GDA: variants seen among roughly 807,000 people sequenced by gnomAD.
The protein encoded by GDA is cytoplasmic PSD-95 interactor.
In GDA, 18 loss-of-function variants were observed where a neutral mutation model predicts 59.6. The observed-to-expected ratio is 0.30, with a 90% CI of 0.21 to 0.45. GDA has a LOEUF of 0.45. GDA is among the 20% of genes least tolerant of loss of function. The pLI is 1.00. For missense variants in GDA, 427 were observed against 552.3 expected, an observed-to-expected ratio of 0.77 and a Z score of 2.27; for synonymous variants, 201 against 201.1, an observed-to-expected ratio of 1.00 and a Z score of 0.00.
intron 11 of GDA, among the ~76,000 whole-genome samples, chr9:72,242,624 A>G (rs1839743544): frequency 6.6e-6 from 1 of 152,214 alleles, no homozygotes; most frequent in South Asian, 2.1e-4. Context: ...GGGGACTATG[A>G]TGAACACCAT....
intron 2 of GDA, 71 bp from the exon 3 acceptor site, chr9:72,202,500 A>C (rs1286179361): frequency 1.9e-6 from 2 of 1,055,818 alleles, no homozygotes; most frequent in African/African-American, 3.2e-5. Context: ...CTTGGGAAAA[A>C]ATGTGATTTA....
At chr9:72,145,081 C>A (rs1316175104), upstream of GDA, among the ~76,000 whole-genome samples, 1 of 152,110 alleles carries the variant, frequency 6.6e-6, no homozygotes, top group African/African-American at 2.4e-5. Flanking sequence ...AACTGCTTCC[C>A]TGCACTCTCT....
intron 1 of GDA, among the ~76,000 whole-genome samples, chr9:72,158,204 GT>G (rs1828161142): frequency 6.6e-6 from 1 of 152,036 alleles, no homozygotes; most frequent in Admixed American, 6.6e-5. Flanking sequence ...TAAGAACATG[GT>G]TTCTAGAGTC....
downstream of GDA, among the ~76,000 whole-genome samples, chr9:72,254,314 C>T (rs917691217): frequency 6.6e-6 from 1 of 152,024 alleles, no homozygotes; most frequent in Non-Finnish European, 1.5e-5. Context: ...ATAGTTGAAT[C>T]TAAATTTTGG....
At chr9:72,148,389 CAAAAT>C (rs947899853), upstream of GDA, among the ~76,000 whole-genome samples, 1 of 150,378 alleles carries the variant, frequency 6.6e-6, no homozygotes, top group Non-Finnish European at 1.5e-5. Context: ...CTAAAAAACA[CAAAAT>C]AAAGAAGAAT....
chr9:72,240,873 A>G (rs1260096389), intron 10 of GDA, among the ~76,000 whole-genome samples: 1 of 152,212 alleles, frequency 6.6e-6, no homozygotes, highest in Non-Finnish European at 1.5e-5. Flanking sequence ...TCTGACCTCC[A>G]CATTGTGAGA....
chr9:72,255,940 T>G (rs749370655), downstream of GDA, among the ~76,000 whole-genome samples: 18 of 151,586 alleles, frequency 1.2e-4, no homozygotes, highest in African/African-American at 1.2e-4. Context: ...CCCTAGAAAA[T>G]TATTGCCCAG....
At chr9:72,231,653 G>T (rs765949810) in intron 10 of GDA, among the ~76,000 whole-genome samples, 5 of 152,142 alleles carry the variant, frequency 3.3e-5, no homozygotes, top group East Asian at 3.9e-4. Flanking sequence ...ATTATTCAAA[G>T]ATTAGGCTAT....
In GDA at chr9:72,195,482, T is replaced by TCTTC. The variant is rs1267155816; in HGVS notation, c.124-15_124-14insCCTT. 8.7e-7 allele frequency: 1 copy of TCTTC among 1,153,232 alleles called. No homozygotes were observed. Among genetic ancestry groups the TCTTC allele is most frequent in the Admixed American group, 2.0e-5 (1 of 49,602 alleles). The allele number at this position is 1,153,232 out of a possible 1,614,324, so 71.4% of individuals were successfully genotyped here. On this transcript the variant is annotated splice_polypyrimidine_tract_variant and intron_variant, in intron 1 of 13. Coordinates refer to ENST00000358399, the MANE Select transcript of GDA (RefSeq NM_004293.5). ...TCACTAATATGTGTTTCTTTTCTTT[T>TCTTC]CTTTCTTTCTTTTAAAGATAGTGTT...
At chr9:72,154,099 A>C (rs1258720831) in intron 1 of GDA, among the ~76,000 whole-genome samples, 1 of 152,186 alleles carries the variant, frequency 6.6e-6, no homozygotes, top group Non-Finnish European at 1.5e-5. Context: ...AAAGATGCAT[A>C]AACATGCCTT....
downstream of GDA, chr9:72,253,362 G>T (rs930430687): frequency 3.3e-5 from 5 of 152,270 alleles, no homozygotes; most frequent in South Asian, 8.3e-4. Flanking sequence ...TTTAGCCCAG[G>T]ACGTCAAGTA....
At chr9:72,219,871 T>G (rs1008705499) in intron 6 of GDA, among the ~76,000 whole-genome samples, 42 of 152,124 alleles carry the variant, frequency 2.8e-4, no homozygotes, top group African/African-American at 1.0e-3. Context: ...TAACTGAAAA[T>G]TTGTACCCTT....
Position 72,251,996 on chromosome 9 carries a change from A to G in GDA, c.*3654A>G, listed in dbSNP as rs1840734383. On this transcript the variant is annotated 3_prime_UTR_variant, in exon 14 of 14. Coordinates refer to ENST00000358399, the MANE Select transcript of GDA (RefSeq NM_004293.5). ...ATTCTTAGCTTACCTGTTATGTGAC[A>G]GTGATTTACCTGTCCATTTCCAACC... The G allele has an allele frequency of 6.6e-6, 1 of 152,518 alleles. No individual in the cohort carries two copies. The highest frequency in any genetic ancestry group is 6.6e-5 in the Admixed American group (1 of 15,262). 9.4% of individuals were successfully genotyped at this position (152,518 alleles called of 1,614,324 possible).
rs1376412128 is a variant in GDA at position 72,241,186 on chromosome 9, T to G, written c.1023T>G (p.Asp341Glu). The G allele has an allele frequency of 6.2e-7, 1 of 1,607,096 alleles. No individual in the cohort carries two copies. Among genetic ancestry groups the G allele is most frequent in the Non-Finnish European group, 8.5e-7 (1 of 1,174,716 alleles). Reference protein sequence around the residue: ...VAGGYSYSMLDAIRRAVMVSN... With the variant: ...VAGGYSYSMLEAIRRAVMVSN... ...GTGGCTATTCATATTCCATGCTTGA[T>G]GCAATCAGAAGAGCAGTGATGGTTT... Residue 341 changes from aspartate (D) to glutamate (E), a missense_variant, in exon 11 of 14, where the codon GAT becomes GAG. Physicochemically the swap from Asp to Glu is conservative, Grantham distance 45. Coordinates refer to ENST00000358399, the MANE Select transcript of GDA (RefSeq NM_004293.5).
intron 1 of GDA, among the ~76,000 whole-genome samples, chr9:72,169,194 T>C (rs1249420409): frequency 6.6e-6 from 1 of 152,190 alleles, no homozygotes. Flanking sequence ...AAATAGATAT[T>C]GGTTTTGGGA....
At chr9:72,119,887 T>G (rs1825603271) in intron 1 of GDA, among the ~76,000 whole-genome samples, 1 of 151,640 alleles carries the variant, frequency 6.6e-6, no homozygotes, top group Admixed American at 6.6e-5. Context: ...GCAGAAAAGA[T>G]ATACGTTTTG....
At chr9:72,160,201 T>G (rs909747888) in intron 1 of GDA, among the ~76,000 whole-genome samples, 3 of 152,034 alleles carry the variant, frequency 2.0e-5, no homozygotes, top group Non-Finnish European at 2.9e-5. Context: ...TCCTAGCTAC[T>G]CGGAAGCTGA....
intron 3 of GDA, among the ~76,000 whole-genome samples, chr9:72,207,093 G>C (rs190028980): frequency 8.4e-4 from 127 of 151,920 alleles, no homozygotes; most frequent in Non-Finnish European, 1.6e-3. Context: ...CTTCATTCCT[G>C]ATATTCTGAA....
intron 1 of GDA, among the ~76,000 whole-genome samples, chr9:72,143,552 A>G (rs1826518693): frequency 6.6e-6 from 1 of 152,166 alleles, no homozygotes; most frequent in Non-Finnish European, 1.5e-5. Context: ...CTGCCTACAT[A>G]CTACTTAAAA....
Sources: gnomAD v4.1 joint callset for allele counts (sites outside exome capture counted in the v4.1 genomes callset) on GRCh38, gnomAD v4.1.1 for gene constraint, MANE v1.5 for transcripts, NCBI Gene and HGNC (gene_info 2026-07-23, HGNC 2026-07-21) for gene names.